ARAP2: variants seen among roughly 807,000 people sequenced by gnomAD.
The protein encoded by ARAP2 is ArfGAP with RhoGAP domain, ankyrin repeat and PH domain 2, also known as arf-GAP with Rho-GAP domain, ANK repeat and PH domain-containing protein 2.
Under a neutral mutation model 194.5 loss-of-function variants are expected in ARAP2, and 148 were observed. That is an observed-to-expected ratio of 0.76 (90% confidence interval 0.67 to 0.87). The LOEUF (loss-of-function observed/expected upper bound fraction) is 0.87, where lower values mean the gene tolerates loss of function less well. ARAP2 is among the 40% of genes least tolerant of loss of function. The pLI is 0.00. For missense variants in ARAP2, 2,128 were observed against 1,989.7 expected (o/e 1.07, Z -1.32); for synonymous variants, 695 against 683.5 (o/e 1.02, Z -0.26).
chr4:36,188,709 G>A (rs149463360), intron 7 of ARAP2, among the ~76,000 whole-genome samples: 43 of 152,212 alleles, frequency 2.8e-4, no homozygotes, highest in East Asian at 1.4e-3. Context: ...CTTCCACAGC[G>A]TTATCCTTGG....
intron 15 of ARAP2, among the ~76,000 whole-genome samples, chr4:36,158,123 C>T (rs963787004): frequency 1.3e-5 from 2 of 151,988 alleles, no homozygotes; most frequent in East Asian, 3.8e-4. Flanking sequence ...TCTAAAATCC[C>T]GATACATAGC....
At chr4:36,131,472 G>A (rs1265238662) in intron 20 of ARAP2, among the ~76,000 whole-genome samples, 1 of 151,186 alleles carries the variant, frequency 6.6e-6, no homozygotes, top group Non-Finnish European at 1.5e-5. Flanking sequence ...GTAAGTGTGT[G>A]TGTATAACTA....
At chr4:36,226,016 G>A (rs1750225654) in intron 2 of ARAP2, among the ~76,000 whole-genome samples, 1 of 151,948 alleles carries the variant, frequency 6.6e-6, no homozygotes, top group African/African-American at 2.4e-5. Flanking sequence ...AGGAGCACAA[G>A]GAAAAACAAA....
At chr4:36,052,768 T>C (rs915251443) in intron 2 of ARAP2, among the ~76,000 whole-genome samples, 2 of 152,020 alleles carry the variant, frequency 1.3e-5, no homozygotes, top group African/African-American at 4.8e-5. Context: ...ATCCAGACCA[T>C]CGTGGCTAGC....
intron 27 of ARAP2, among the ~76,000 whole-genome samples, chr4:36,101,706 C>A (rs1001164291): frequency 2.2e-4 from 33 of 151,906 alleles, no homozygotes; most frequent in African/African-American, 8.0e-4. Flanking sequence ...GTTATATCAT[C>A]TTATTGACAA....
chr4:36,199,106 A>G (rs1008153111), intron 6 of ARAP2, among the ~76,000 whole-genome samples: 12 of 152,198 alleles, frequency 7.9e-5, no homozygotes, highest in Non-Finnish European at 1.5e-4. Flanking sequence ...GGCTCACGCC[A>G]TCTCTGTAGA....
chr4:36,097,219 C>T (rs934914304), intron 27 of ARAP2, among the ~76,000 whole-genome samples: 3 of 151,886 alleles, frequency 2.0e-5, no homozygotes, highest in African/African-American at 7.3e-5. Flanking sequence ...CAAACCTCAG[C>T]GTGCACCCTA....
At chr4:36,079,173 CA>C (rs34229260) in intron 31 of ARAP2, among the ~76,000 whole-genome samples, 25,208 of 76,636 alleles carry the variant, frequency 0.33, 1,512 homozygotes, top group Middle Eastern at 0.43. Context: ...GACTCTGTCT[CA>C]AAAAAAAAAA....
At chr4:36,107,285 C>T (rs556541782) in intron 27 of ARAP2, among the ~76,000 whole-genome samples, 1 of 152,070 alleles carries the variant, frequency 6.6e-6, no homozygotes, top group South Asian at 2.1e-4. Flanking sequence ...GAGGAAAATA[C>T]ATAAGCATAA....
At chr4:36,093,557 T>C (rs1463629579) in intron 27 of ARAP2, among the ~76,000 whole-genome samples, 1 of 152,100 alleles carries the variant, frequency 6.6e-6, no homozygotes, top group Non-Finnish European at 1.5e-5. Flanking sequence ...ACGATAATAC[T>C]AAGGCTTAGA....
chr4:36,090,293 A>T (rs13103457), intron 28 of ARAP2, among the ~76,000 whole-genome samples: 11,543 of 152,154 alleles, frequency 0.076, 594 homozygotes, highest in Middle Eastern at 0.19. Context: ...AATCCCAGGA[A>T]TCGGAGGGAT....
At chr4:36,199,685 T>C (rs1013177206) in intron 6 of ARAP2, among the ~76,000 whole-genome samples, 4 of 152,232 alleles carry the variant, frequency 2.6e-5, no homozygotes, top group Admixed American at 2.6e-4. Flanking sequence ...TGTATTTTTT[T>C]TAGATTCCAC....
intron 6 of ARAP2, among the ~76,000 whole-genome samples, chr4:36,194,233 G>A (rs1742579989): frequency 6.6e-6 from 1 of 152,044 alleles, no homozygotes; most frequent in East Asian, 1.9e-4. Flanking sequence ...AGTTTAAAAT[G>A]GCTACTGACA....
intron 1 of ARAP2, among the ~76,000 whole-genome samples, chr4:36,243,383 C>CAAAAAAA (rs71201008): frequency 5.9e-5 from 5 of 85,114 alleles, no homozygotes; most frequent in African/African-American, 9.9e-5. Context: ...GACAAGCTTG[C>CAAAAAAA]AAAAAAAAAA....
chr4:36,069,834 G>T (rs879173739), intron 32 of ARAP2, among the ~76,000 whole-genome samples: 2 of 152,106 alleles, frequency 1.3e-5, no homozygotes, highest in Non-Finnish European at 1.5e-5. Flanking sequence ...AATCGTGGGG[G>T]TGGGGTTTTC....
At chr4:36,219,372 T>C (rs745833360) in intron 2 of ARAP2, among the ~76,000 whole-genome samples, 3 of 152,124 alleles carry the variant, frequency 2.0e-5, no homozygotes, top group Non-Finnish European at 4.4e-5. Flanking sequence ...CACAGACACA[T>C]CTCAAAAACA....
chr4:36,222,751 T>C (rs2109316543), intron 2 of ARAP2, among the ~76,000 whole-genome samples: 1 of 152,236 alleles, frequency 6.6e-6, no homozygotes, highest in South Asian at 2.1e-4. Flanking sequence ...GATGGTATTA[T>C]ATGGTAACAT....
In ARAP2 at chr4:36,091,963, G is replaced by T; in HGVS notation, c.4343C>A (p.Ser1448Tyr). The change falls in exon 28 of 33, where the codon TCC becomes TAC. Residue 1448 changes from serine to tyrosine, a missense_variant. Coordinates refer to ENST00000303965, the MANE Select transcript of ARAP2 (RefSeq NM_015230.4). Reference protein sequence around the residue: ...EGILKIKEEPSKILSGNKFQD... With the variant: ...EGILKIKEEPYKILSGNKFQD... ...AAACTTATTTCCAGATAGTATTTTG[G>T]ATGGTTCTTCTTTGATTTTCAAGAT... 1 of 1,607,510 alleles carries T rather than the reference G, an allele frequency of 6.2e-7. No individual in the cohort carries two copies. The highest frequency in any genetic ancestry group is 1.1e-5 in the South Asian group (1 of 90,434).
chr4:36,217,926 T>C (rs1748331718), intron 2 of ARAP2, among the ~76,000 whole-genome samples: 1 of 150,600 alleles, frequency 6.6e-6, no homozygotes, highest in Non-Finnish European at 1.5e-5. Context: ...GTAGTGTCAA[T>C]GCAACCCTAA....
Sources: allele counts gnomAD v4.1 joint callset (sites outside exome capture counted in the v4.1 genomes callset), GRCh38; gene constraint gnomAD v4.1.1; transcripts MANE v1.5; gene names NCBI Gene and HGNC (gene_info 2026-07-23, HGNC 2026-07-21).